The following FGFBP3 variants were observed in gnomAD, a reference collection of about 807,000 sequenced individuals.
FGFBP3 encodes the protein fibroblast growth factor binding protein 3.
In FGFBP3, 4 loss-of-function variants were observed where a neutral mutation model predicts 4.8. The observed-to-expected ratio is 0.83, with a 90% CI of 0.41 to 1.90. FGFBP3 has a LOEUF of 1.90. Among genes scored for constraint, FGFBP3 ranks in the 40% most tolerant of loss-of-function variants. The probability of loss-of-function intolerance (pLI) is 0.03; values close to 1 mark genes in which losing one functional copy is unlikely to be tolerated. For missense variants in FGFBP3, 429 were observed against 397.4 expected (o/e 1.08, Z -0.68); for synonymous variants, 215 against 190.0 (o/e 1.13, Z -1.08).
At position 91,906,767 on chromosome 10, in the gene FGFBP3, G is replaced by C. The variant is rs1407532518; in HGVS notation, c.*1426C>G. 5 of 152,192 alleles carry C rather than the reference G, an allele frequency of 3.3e-5. No homozygotes were observed. The highest frequency in any genetic ancestry group is 1.2e-4 in the African/African-American group (5 of 41,438). 9.4% of individuals were successfully genotyped at this position (152,192 alleles called of 1,614,324 possible). On this transcript the variant is annotated 3_prime_UTR_variant, in exon 2 of 2. Coordinates refer to ENST00000311575, the MANE Select transcript of FGFBP3 (RefSeq NM_152429.5). The stretch of plus-strand genomic sequence containing the variant: ...CAATGATAAGGCCAGGTGGCTGCCA[G>C]TTTGTGACTCTTGCTTTATGTCAAC...
chr10:91,908,334 G>T lies in FGFBP3; in HGVS notation c.636C>A (p.Ala212=). The T allele has an allele frequency of 1.3e-6, 2 of 1,597,840 alleles. No homozygotes were observed. Among genetic ancestry groups the T allele is most frequent in the South Asian group, 2.2e-5 (2 of 88,904 alleles). ...TGGGTCGCTCCTCGTTGGGGACCAA[G>T]GCCGCCTTCCTCTTGCCCTCGTTGG... ...RKTNEGKRKA[A]LVPNEERPMG... Residue 212 remains alanine (A), a synonymous_variant, in exon 2 of 2, where the codon GCC becomes GCA. Transcript: ENST00000311575.
rs765953507 is a variant in FGFBP3, at chr10:91,908,659, G to A, written c.311C>T (p.Ala104Val). 7.0e-7 allele frequency: 1 copy of A among 1,431,252 alleles called. No individual in the cohort carries two copies. Among genetic ancestry groups the A allele is most frequent in the South Asian group, 1.4e-5 (1 of 70,412 alleles). 88.7% of individuals were successfully genotyped at this position (1,431,252 alleles called of 1,614,324 possible). The change falls in exon 2 of 2, where the codon GCT becomes GTT. Residue 104 changes from alanine to valine, a missense_variant. Ala to Val is a moderately conservative substitution (Grantham distance 64, BLOSUM62 0). Transcript: ENST00000311575. ...CTGCTTCCAGAAGTGCGCGCGGCGAGCGGCGTAGGCTGCGCAGCGCTCCGG... is the reference window on the plus strand; with the variant it reads ...CTGCTTCCAGAAGTGCGCGCGGCGAACGGCGTAGGCTGCGCAGCGCTCCGG... ...GHPERCAAYAARRAHFWKQVL... is the reference protein window; with the variant it reads ...GHPERCAAYAVRRAHFWKQVL...
In FGFBP3 at chr10:91,908,914, C is replaced by G; in HGVS notation, c.56G>C (p.Ser19Thr). Residue 19 changes from serine (S) to threonine (T), a missense_variant, in exon 2 of 2, where the codon AGT (serine) becomes ACT (threonine). Physicochemically the swap from Ser to Thr is moderately conservative, Grantham distance 58. Coordinates refer to ENST00000311575, the MANE Select transcript of FGFBP3 (RefSeq NM_152429.5). ...SLSPSLLLLL[S>T]GCLLAAARRE... ...CCGAGCAGCCGCGAGGAGGCAACCA[C>G]TCAGCAGCAGCAGCAGCGACGGCGA... 1 of 1,604,944 alleles carries G rather than the reference C, an allele frequency of 6.2e-7. No homozygotes were observed. Among genetic ancestry groups the G allele is most frequent in the Non-Finnish European group, 8.5e-7 (1 of 1,177,520 alleles).
At position 91,908,182 on chromosome 10, in the gene FGFBP3, G is replaced by A. The variant is rs758585153; in HGVS notation, c.*11C>T. On this transcript the variant is annotated 3_prime_UTR_variant, in exon 2 of 2. Transcript: ENST00000311575. ...CTCCCCCATCAACCCTCCCTAAGCC[G>A]GCAGGCAGTCTCAGCCGTTCCAGAA... 21 of 1,586,530 alleles carry A rather than the reference G, an allele frequency of 1.3e-5. No individual in the cohort carries two copies. Among genetic ancestry groups the A allele is most frequent in the South Asian group, 5.7e-5 (5 of 87,528 alleles).
At position 91,908,301 on chromosome 10, in the gene FGFBP3, G is replaced by C; in HGVS notation, c.669C>G (p.Thr223=). 1 of 1,601,280 alleles carries C rather than the reference G, an allele frequency of 6.2e-7. No individual in the cohort carries two copies. Among genetic ancestry groups the C allele is most frequent in the Non-Finnish European group, 8.5e-7 (1 of 1,174,188 alleles). ...CGTCCAGCCCGTCGGGGTCGGGCCC[G>C]GTCCCCATGGGTCGCTCCTCGTTGG... ...LVPNEERPMG[T]GPDPDGLDGN... is the part of the protein sequence containing the mutation. The change falls in exon 2 of 2, where the codon ACC becomes ACG. Residue 223 remains threonine (T), a synonymous_variant. Coordinates refer to ENST00000311575, the MANE Select transcript of FGFBP3 (RefSeq NM_152429.5).
In FGFBP3 at chr10:91,908,248, C is replaced by A; in HGVS notation, c.722G>T (p.Cys241Phe). Residue 241 changes from cysteine to phenylalanine, a missense_variant, in exon 2 of 2, where the codon TGC becomes TTC. Physicochemically the swap from Cys to Phe is radical, Grantham distance 205 (BLOSUM62 -2). Transcript: ENST00000311575. ...GCAGAGGGAGTGCCACTTCTCAGCG[C>A]AGTAGGTCTCCGTGAGCTCCGCGTT... Reference protein sequence around the residue: ...DGNAELTETYCAEKWHSLCNF... With the variant: ...DGNAELTETYFAEKWHSLCNF... The A allele has an allele frequency of 6.2e-7, 1 of 1,606,820 alleles. No homozygotes were observed. Among genetic ancestry groups the A allele is most frequent in the Non-Finnish European group, 8.5e-7 (1 of 1,176,734 alleles).
In FGFBP3 at chr10:91,908,186, G is replaced by C; in HGVS notation, c.*7C>G. On this transcript the variant is annotated 3_prime_UTR_variant, in exon 2 of 2. Coordinates refer to ENST00000311575, the MANE Select transcript of FGFBP3 (RefSeq NM_152429.5). ...CCCATCAACCCTCCCTAAGCCGGCA[G>C]GCAGTCTCAGCCGTTCCAGAAATTG... 3 of 1,592,036 alleles carry C rather than the reference G, an allele frequency of 1.9e-6. No individual in the cohort carries two copies. Among genetic ancestry groups the C allele is most frequent in the Non-Finnish European group, 2.6e-6 (3 of 1,170,302 alleles).
Position 91,908,603 on chromosome 10 carries a change from G to A in FGFBP3, c.367C>T (p.Pro123Ser). The change falls in exon 2 of 2, where the codon CCC (proline) becomes TCC (serine). Residue 123 changes from proline to serine, a missense_variant. Physicochemically the swap from Pro to Ser is moderately conservative, Grantham distance 74. Coordinates refer to ENST00000311575, the MANE Select transcript of FGFBP3 (RefSeq NM_152429.5). The stretch of plus-strand genomic sequence containing the variant: ...TGGAGCGGCGCGGGGTCGTGACAGG[G>A]CCTCCGCTTCTTGCGCAGCCCTCCC... Reference protein sequence around the residue: ...VLGGLRKKRRPCHDPAPLQAR... With the variant: ...VLGGLRKKRRSCHDPAPLQAR... The A allele has an allele frequency of 7.0e-7, 1 of 1,427,494 alleles. No homozygotes were observed. Among genetic ancestry groups the A allele is most frequent in the Non-Finnish European group, 9.1e-7 (1 of 1,096,112 alleles). 88.4% of individuals were successfully genotyped at this position (1,427,494 alleles called of 1,614,324 possible).
In FGFBP3 at chr10:91,908,047, A is replaced by G; in HGVS notation, c.*146T>C. 9.2e-6 allele frequency: 8 copies of G among 866,356 alleles called. No individual in the cohort carries two copies. The highest frequency in any genetic ancestry group is 1.3e-5 in the Non-Finnish European group (8 of 595,050). 53.7% of individuals were successfully genotyped at this position (866,356 alleles called of 1,614,324 possible). A position where few individuals can be genotyped will look rare whatever the true frequency, so the allele number is the denominator to read the frequency against. On this transcript the variant is annotated 3_prime_UTR_variant, in exon 2 of 2. Coordinates refer to ENST00000311575, the MANE Select transcript of FGFBP3 (RefSeq NM_152429.5). ...TACCCCTTACACTCTCATCCCAAGC[A>G]TCTCACCCTTACCCTTGCCCCCACC...
rs1348708395 is a variant in FGFBP3 at position 91,908,259 on chromosome 10, C to G, written c.711G>C (p.Thr237=). Reference sequence around the variant, plus strand: ...GCCACTTCTCAGCGCAGTAGGTCTCCGTGAGCTCCGCGTTCCCGTCCAGCC... The same window carrying G: ...GCCACTTCTCAGCGCAGTAGGTCTCGGTGAGCTCCGCGTTCCCGTCCAGCC... ...PDGLDGNAEL[T]ETYCAEKWHS... Residue 237 remains threonine (T), a synonymous_variant, in exon 2 of 2, where the codon ACG becomes ACC. Transcript: ENST00000311575. 4 of 1,605,820 alleles carry G rather than the reference C, an allele frequency of 2.5e-6. No individual in the cohort carries two copies. In the African/African-American group the frequency reaches 5.4e-5, roughly 22 times the overall value.
In FGFBP3 at chr10:91,908,019, C is replaced by T; in HGVS notation, c.*174G>A. On this transcript the variant is annotated 3_prime_UTR_variant, in exon 2 of 2. Transcript: ENST00000311575. Reference sequence around the variant, plus strand: ...ACTTCTCTGCTATCCCAGAGATTCTCCATACCCCTTACACTCTCATCCCAA... The same window carrying T: ...ACTTCTCTGCTATCCCAGAGATTCTTCATACCCCTTACACTCTCATCCCAA... 1.5e-6 allele frequency: 1 copy of T among 679,956 alleles called. No homozygotes were observed. The highest frequency in any genetic ancestry group is 4.0e-5 in the Admixed American group (1 of 24,824). The allele number at this position is 679,956 out of a possible 1,614,324, so 42.1% of individuals were successfully genotyped here.
At position 91,907,841 on chromosome 10, in the gene FGFBP3, A is replaced by C; in HGVS notation, c.*352T>G. 2 of 224,084 alleles carry C rather than the reference A, an allele frequency of 8.9e-6. No individual in the cohort carries two copies. Among genetic ancestry groups the C allele is most frequent in the Non-Finnish European group, 8.6e-6 (1 of 116,344 alleles). The allele number at this position is 224,084 out of a possible 1,614,324, so 13.9% of individuals were successfully genotyped here. A position where few individuals can be genotyped will look rare whatever the true frequency, so the allele number is the denominator to read the frequency against. ...CCCCTCCCCACATGGGACTCACATCACTTTAGTCACTCTATCTCCCCCTTA... is the reference window on the plus strand; with the variant it reads ...CCCCTCCCCACATGGGACTCACATCCCTTTAGTCACTCTATCTCCCCCTTA... On this transcript the variant is annotated 3_prime_UTR_variant, in exon 2 of 2. Transcript: ENST00000311575.
rs202089453 is a variant in FGFBP3 at position 91,908,462 on chromosome 10, C to A, written c.508G>T (p.Ala170Ser). 1.7e-5 allele frequency: 24 copies of A among 1,447,268 alleles called. No homozygotes were observed. In the East Asian group the frequency reaches 6.1e-4, roughly 37 times the overall value. 89.7% of individuals were successfully genotyped at this position (1,447,268 alleles called of 1,614,324 possible). ...AGFAGESKPRARNRGRTRERA... is the reference protein window; with the variant it reads ...AGFAGESKPRSRNRGRTRERA... ...TCCCGGGTCCGCCCCCGGTTCCGGG[C>A]CCGGGGCTTGGACTCCCCCGCGAAT... The change falls in exon 2 of 2, where the codon GCC becomes TCC. Residue 170 changes from alanine (A) to serine (S), a missense_variant. Physicochemically the swap from Ala to Ser is moderately conservative, Grantham distance 99 (BLOSUM62 1). Transcript: ENST00000311575.
chr10:91,908,686 T>A lies in FGFBP3; in HGVS notation c.284A>T (p.His95Leu), dbSNP rs1843321839. 1.4e-6 allele frequency: 2 copies of A among 1,422,018 alleles called. No homozygotes were observed. Among genetic ancestry groups the A allele is most frequent in the African/African-American group, 1.5e-5 (1 of 66,914 alleles). The allele number at this position is 1,422,018 out of a possible 1,614,324, so 88.1% of individuals were successfully genotyped here. Reference protein sequence around the residue: ...GARHQCAYRGHPERCAAYAAR... With the variant: ...GARHQCAYRGLPERCAAYAAR... ...GGCGTAGGCTGCGCAGCGCTCCGGA[T>A]GCCCGCGGTAGGCGCACTGGTGGCG... The change falls in exon 2 of 2, where the codon CAT becomes CTT. Residue 95 changes from histidine (H) to leucine (L), a missense_variant. By Grantham distance (99) the His-to-Leu change is moderately conservative (BLOSUM62 -3). Coordinates refer to ENST00000311575, the MANE Select transcript of FGFBP3 (RefSeq NM_152429.5).
At position 91,908,276 on chromosome 10, in the gene FGFBP3, C is replaced by T. The variant is rs767330127; in HGVS notation, c.694G>A (p.Gly232Arg). The change falls in exon 2 of 2, where the codon GGG becomes AGG. Residue 232 changes from glycine to arginine, a missense_variant. Gly to Arg is a moderately radical substitution (Grantham distance 125). Coordinates refer to ENST00000311575, the MANE Select transcript of FGFBP3 (RefSeq NM_152429.5). ...TAGGTCTCCGTGAGCTCCGCGTTCC[C>T]GTCCAGCCCGTCGGGGTCGGGCCCG... ...GTGPDPDGLD[G>R]NAELTETYCA... 1.2e-6 allele frequency: 2 copies of T among 1,604,484 alleles called. No homozygotes were observed. Among genetic ancestry groups the T allele is most frequent in the Non-Finnish European group, 8.5e-7 (1 of 1,175,602 alleles).
chr10:91,908,439 C>T lies in FGFBP3; in HGVS notation c.531G>A (p.Arg177=). The T allele has an allele frequency of 6.7e-7, 1 of 1,488,144 alleles. No homozygotes were observed. The highest frequency in any genetic ancestry group is 8.9e-7 in the Non-Finnish European group (1 of 1,125,990). 92.2% of individuals were successfully genotyped at this position (1,488,144 alleles called of 1,614,324 possible). A position where few individuals can be genotyped will look rare whatever the true frequency, so the allele number is the denominator to read the frequency against. The change falls in exon 2 of 2, where the codon CGG becomes CGA. Residue 177 remains arginine (R), a synonymous_variant. Coordinates refer to ENST00000311575, the MANE Select transcript of FGFBP3 (RefSeq NM_152429.5). ...KPRARNRGRT[R]ERASGPAAGT... is the part of the protein sequence containing the mutation. ...CAGCGGCTGGGCCGGACGCACGCTC[C>T]CGGGTCCGCCCCCGGTTCCGGGCCC...
Position 91,908,681 on chromosome 10 carries a change from C to G in FGFBP3, c.289G>C (p.Glu97Gln), listed in dbSNP as rs1471838319. The G allele has an allele frequency of 4.9e-6, 7 of 1,424,232 alleles. No homozygotes were observed. The highest frequency in any genetic ancestry group is 2.9e-5 in the South Asian group (2 of 69,456). The allele number at this position is 1,424,232 out of a possible 1,614,324, so 88.2% of individuals were successfully genotyped here. The change falls in exon 2 of 2, where the codon GAG becomes CAG. Residue 97 changes from glutamate (E) to glutamine (Q), a missense_variant. Transcript: ENST00000311575. ...CGAGCGGCGTAGGCTGCGCAGCGCTCCGGATGCCCGCGGTAGGCGCACTGG... is the reference window on the plus strand; with the variant it reads ...CGAGCGGCGTAGGCTGCGCAGCGCTGCGGATGCCCGCGGTAGGCGCACTGG... Reference protein sequence around the residue: ...RHQCAYRGHPERCAAYAARRA... With the variant: ...RHQCAYRGHPQRCAAYAARRA...
rs976941911 is a variant in FGFBP3, at chr10:91,908,101, A to G, written c.*92T>C. ...ATTCGAGAACCTGGACTTCTCCCCA[A>G]TCTCTATCACAGTACCCCCCGGTCT... On this transcript the variant is annotated 3_prime_UTR_variant, in exon 2 of 2. Coordinates refer to ENST00000311575, the MANE Select transcript of FGFBP3 (RefSeq NM_152429.5). The G allele has an allele frequency of 6.1e-5, 86 of 1,414,748 alleles. No individual in the cohort carries two copies. The highest frequency in any genetic ancestry group is 7.4e-5 in the Non-Finnish European group (80 of 1,074,546). The allele number at this position is 1,414,748 out of a possible 1,614,324, so 87.6% of individuals were successfully genotyped here.
rs765270957 is a variant in FGFBP3, at chr10:91,908,249, A to C, written c.721T>G (p.Cys241Gly). The C allele has an allele frequency of 1.9e-6, 3 of 1,606,656 alleles. No homozygotes were observed. The South Asian group carries it at 3.3e-5, about 18-fold the overall frequency. Reference protein sequence around the residue: ...DGNAELTETYCAEKWHSLCNF... With the variant: ...DGNAELTETYGAEKWHSLCNF... ...CAGAGGGAGTGCCACTTCTCAGCGC[A>C]GTAGGTCTCCGTGAGCTCCGCGTTC... The change falls in exon 2 of 2, where the codon TGC (cysteine) becomes GGC (glycine). Residue 241 changes from cysteine to glycine, a missense_variant. By Grantham distance (159) the Cys-to-Gly change is radical (BLOSUM62 -3). Transcript: ENST00000311575.
Sources: gnomAD v4.1 joint callset for allele counts on GRCh38, gnomAD v4.1.1 for gene constraint, MANE v1.5 for transcripts, NCBI Gene and HGNC (gene_info 2026-07-23, HGNC 2026-07-21) for gene names.